Variants in APBB2 observed in about 807,000 individuals in gnomAD.
The protein encoded by APBB2 is Fe65-like 1.
In APBB2, 38 loss-of-function variants were observed where a neutral mutation model predicts 82.5. The observed-to-expected ratio is 0.46, with a 90% CI of 0.36 to 0.60. APBB2 has a LOEUF of 0.60. Among genes scored for constraint, APBB2 ranks in the 20% least tolerant of loss-of-function variants. APBB2 has a pLI of 0.00. For synonymous variants in APBB2, 341 were observed against 368.2 expected (o/e 0.93, Z 0.85); for missense variants, 772 against 972.3 (o/e 0.79, Z 2.74).
At chr4:41,112,120 G>C (rs528862352) in intron 2 of APBB2, among the ~76,000 whole-genome samples, 1 of 152,312 alleles carries the variant, frequency 6.6e-6, no homozygotes, top group South Asian at 2.1e-4. Flanking sequence ...GCACCTGCAG[G>C]TGAGGTGGAA....
chr4:41,051,777 C>T (rs1329094496), intron 4 of APBB2, among the ~76,000 whole-genome samples: 2 of 152,210 alleles, frequency 1.3e-5, no homozygotes, highest in African/African-American at 4.8e-5. Flanking sequence ...TTTATCACCA[C>T]CACATATACA....
At chr4:41,113,471 T>C (rs1224543162) in intron 2 of APBB2, among the ~76,000 whole-genome samples, 1 of 152,102 alleles carries the variant, frequency 6.6e-6, no homozygotes, top group East Asian at 1.9e-4. Flanking sequence ...AACATAGTAT[T>C]GAAAGTTCTG....
chr4:40,921,740 A>C (rs1347165927), intron 10 of APBB2, among the ~76,000 whole-genome samples: 1 of 152,256 alleles, frequency 6.6e-6, no homozygotes, highest in African/African-American at 2.4e-5. Context: ...AACTGAAAAA[A>C]GCATGGCTCT....
chr4:41,128,086 A>G (rs549222108), intron 2 of APBB2, among the ~76,000 whole-genome samples: 39 of 152,058 alleles, frequency 2.6e-4, no homozygotes, highest in African/African-American at 8.9e-4. Flanking sequence ...TCTCAGAAAA[A>G]AAAAGAAAAA....
chr4:41,141,172 T>C (rs926913825), intron 2 of APBB2, among the ~76,000 whole-genome samples: 1 of 152,052 alleles, frequency 6.6e-6, no homozygotes, highest in Non-Finnish European at 1.5e-5. Context: ...ACCTCACTCC[T>C]AGAAGGTACC....
intron 10 of APBB2, among the ~76,000 whole-genome samples, chr4:40,928,430 T>C (rs922374568): frequency 1.9e-3 from 212 of 110,064 alleles, no homozygotes; most frequent in African/African-American, 6.2e-3. Flanking sequence ...ACACACACAA[T>C]CAGCCAGGTG....
At chr4:40,864,363 C>T (rs1763542972) in intron 12 of APBB2, among the ~76,000 whole-genome samples, 1 of 152,128 alleles carries the variant, frequency 6.6e-6, no homozygotes. Context: ...GACCCCACTG[C>T]CCCACAAGAC....
intron 2 of APBB2, among the ~76,000 whole-genome samples, chr4:41,107,591 C>A (rs2153977051): frequency 6.6e-6 from 1 of 152,264 alleles, no homozygotes; most frequent in African/African-American, 2.4e-5. Flanking sequence ...CCACAGATTA[C>A]CTAAGAGAAA....
intron 1 of APBB2, among the ~76,000 whole-genome samples, chr4:41,161,240 G>A (rs1765090108): frequency 6.7e-6 from 1 of 149,536 alleles, no homozygotes; most frequent in South Asian, 2.1e-4. Flanking sequence ...CAGCTTGGGT[G>A]AAACCATGAC....
At chr4:41,103,129 T>C (rs1467846103) in intron 2 of APBB2, among the ~76,000 whole-genome samples, 4 of 152,234 alleles carry the variant, frequency 2.6e-5, no homozygotes, top group Non-Finnish European at 5.9e-5. Flanking sequence ...CATATTGTAA[T>C]GCAATTTAAA....
At position 40,813,422 on chromosome 4, in the gene APBB2, T is replaced by C. The variant is rs1744826802; in HGVS notation, c.*2670A>G. 2 of 152,224 alleles carry C rather than the reference T, an allele frequency of 1.3e-5. No homozygotes were observed. The highest frequency in any genetic ancestry group is 6.5e-5 in the Admixed American group (1 of 15,274). 9.4% of individuals were successfully genotyped at this position (152,224 alleles called of 1,614,324 possible). On this transcript the variant is annotated 3_prime_UTR_variant, in exon 18 of 18. Transcript: ENST00000508593. The stretch of plus-strand genomic sequence containing the variant: ...CAGATCTAAAGAATGCATAGATAAC[T>C]GAAGTGTCACTAAGATATCAGGTAA...
chr4:40,976,199 T>A (rs1797132632), intron 6 of APBB2, among the ~76,000 whole-genome samples: 1 of 152,148 alleles, frequency 6.6e-6, no homozygotes, highest in African/African-American at 2.4e-5. Flanking sequence ...TAATAGCATA[T>A]AGAAAATTTA....
Position 41,062,806 on chromosome 4 carries a change from TGAG to T in APBB2, c.-51+2767_-51+2769del, listed in dbSNP as rs1356846517. ...CAGGTAGCACGTTTCTGGCACCCAG[TGAG>T]GAGAAGATAGTTTTCTCCTAAAGAG... On this transcript the variant is annotated intron_variant, in intron 4 of 17. Transcript: ENST00000508593. Among the ~76,000 whole-genome samples the T allele has an allele frequency of 4.6e-5, 7 of 152,190 alleles. No individual in the cohort carries two copies. In the East Asian group the frequency reaches 9.7e-4, roughly 21 times the overall value.
At chr4:40,871,062 T>C (rs986561966) in intron 12 of APBB2, among the ~76,000 whole-genome samples, 1 of 151,936 alleles carries the variant, frequency 6.6e-6, no homozygotes, top group South Asian at 2.1e-4. Context: ...TGGATTTAGG[T>C]CCCACTCAGG....
At chr4:40,842,243 A>C (rs1164483486) in intron 12 of APBB2, 3 of 364,516 alleles carry the variant, frequency 8.2e-6, no homozygotes, top group Non-Finnish European at 1.7e-5. Flanking sequence ...AAAACAAAAC[A>C]AAAGTTCTGC....
At chr4:41,194,845 CTTTTT>C in intron 1 of APBB2, among the ~76,000 whole-genome samples, 1 of 151,896 alleles carries the variant, frequency 6.6e-6, no homozygotes, top group Non-Finnish European at 1.5e-5. Context: ...ACTCGTTTTT[CTTTTT>C]TTAATTTTTT....
chr4:40,886,285 C>G (rs1443798585), intron 12 of APBB2, among the ~76,000 whole-genome samples: 1 of 152,182 alleles, frequency 6.6e-6, no homozygotes, highest in Non-Finnish European at 1.5e-5. Context: ...TCAAGACCAG[C>G]CTGGCCAACA....
intron 1 of APBB2, among the ~76,000 whole-genome samples, chr4:41,211,545 C>T (rs910058394): frequency 2.0e-5 from 3 of 151,902 alleles, no homozygotes; most frequent in Admixed American, 2.0e-4. Flanking sequence ...TGCAGTGGCG[C>T]GATCTTGGCT....
At chr4:41,037,860 T>C (rs1415511831) in intron 4 of APBB2, among the ~76,000 whole-genome samples, 3 of 152,040 alleles carry the variant, frequency 2.0e-5, no homozygotes, top group Non-Finnish European at 2.9e-5. Flanking sequence ...CTACAAAAAA[T>C]ACAAAAATTA....
Sources: gnomAD v4.1 joint callset for allele counts (sites outside exome capture counted in the v4.1 genomes callset) on GRCh38, gnomAD v4.1.1 for gene constraint, MANE v1.5 for transcripts, NCBI Gene and HGNC (gene_info 2026-07-23, HGNC 2026-07-21) for gene names.